The following ATP1A1 variants were observed in gnomAD, a reference collection of about 807,000 sequenced individuals.
ATP1A1 encodes ATPase Na+/K+ transporting subunit alpha 1.
A neutral mutation model predicts 114.8 loss-of-function variants in ATP1A1; 14 were observed. The observed-to-expected ratio is 0.12, with a 90% CI of 0.08 to 0.19. The LOEUF (loss-of-function observed/expected upper bound fraction) is 0.19, where lower values mean the gene tolerates loss of function less well. Among genes scored for constraint, ATP1A1 ranks in the 10% least tolerant of loss-of-function variants. ATP1A1 has a pLI of 1.00. For missense variants in ATP1A1, 524 were observed against 1,290.7 expected (o/e 0.41, Z 9.10); for synonymous variants, 471 against 466.3 (o/e 1.01, Z -0.13).
Position 116,398,896 on chromosome 1 carries a change from A to G in ATP1A1, c.2294-34A>G. The G allele has an allele frequency of 1.9e-6, 3 of 1,613,590 alleles. No individual in the cohort carries two copies. The highest frequency in any genetic ancestry group is 3.3e-4 in the Middle Eastern group (2 of 6,062). On this transcript the variant is annotated intron_variant, in intron 16 of 22. Coordinates refer to ENST00000295598, the MANE Select transcript of ATP1A1 (RefSeq NM_000701.8). This position sits in a 1 kb window ranked among gnomAD's most constrained non-coding sequence, Gnocchi z 6.1. ...GTTCAGTTTCCAGTGTGCTTGTCTC[A>G]TAAGCTAACAGTAAAAAATCTTGGT...
chr1:116,397,744 C>G lies in ATP1A1; in HGVS notation c.1974-144C>G. 1 of 1,027,808 alleles carries G rather than the reference C, an allele frequency of 9.7e-7. No homozygotes were observed. Among genetic ancestry groups the G allele is most frequent in the Non-Finnish European group, 1.4e-6 (1 of 715,972 alleles). The allele number at this position is 1,027,808 out of a possible 1,614,324, so 63.7% of individuals were successfully genotyped here. ...TCTGTAACCTGTAAAGTACTGAACACTTAATAGCTTTTATGTGCTGGGGAA... is the reference window on the plus strand; with the variant it reads ...TCTGTAACCTGTAAAGTACTGAACAGTTAATAGCTTTTATGTGCTGGGGAA... On this transcript the variant is annotated intron_variant, in intron 14 of 22. Transcript: ENST00000295598. This position sits in a 1 kb window ranked among gnomAD's most constrained non-coding sequence, Gnocchi z 4.2.
Position 116,384,365 on chromosome 1 carries a change from T to A in ATP1A1, c.123+241T>A, listed in dbSNP as rs1651940610. ...CAGAGATAACAGAAGGAACTTAGGT[T>A]GATACCATGAGTCTTTGCTTTTCTC... On this transcript the variant is annotated intron_variant, in intron 2 of 22. Transcript: ENST00000295598. This position sits in a 1 kb window ranked among gnomAD's most constrained non-coding sequence, Gnocchi z 5.1. 6.6e-6 allele frequency among the ~76,000 whole-genome samples: 1 copy of A among 152,196 alleles called. No individual in the cohort carries two copies. The highest frequency in any genetic ancestry group is 1.5e-5 in the Non-Finnish European group (1 of 68,022).
At position 116,400,846 on chromosome 1, in the gene ATP1A1, GT is replaced by G; in HGVS notation, c.2573-11del. The G allele has an allele frequency of 6.2e-7, 1 of 1,613,944 alleles. No homozygotes were observed. The highest frequency in any genetic ancestry group is 2.2e-5 in the East Asian group (1 of 44,882). On this transcript the variant is annotated splice_polypyrimidine_tract_variant and intron_variant, in intron 18 of 22. Coordinates refer to ENST00000295598, the MANE Select transcript of ATP1A1 (RefSeq NM_000701.8). ...TGTGTGAGGTTCTAGTAATTGGGTTGTTTTCCCAACTTAGGAATGATCCAGG... is the reference window on the plus strand; with the variant it reads ...TGTGTGAGGTTCTAGTAATTGGGTTGTTTCCCAACTTAGGAATGATCCAGG...
rs1470506057 is a variant in ATP1A1 at position 116,384,186 on chromosome 1, C to T, written c.123+62C>T. On this transcript the variant is annotated intron_variant, in intron 2 of 22. Coordinates refer to ENST00000295598, the MANE Select transcript of ATP1A1 (RefSeq NM_000701.8). The surrounding 1 kb of genome is among the most constrained non-coding windows in gnomAD (Gnocchi z 5.1). ...TAAAAATCCATGATTTTTAATCCCC[C>T]AGGCCTCACTGTATTCTTCAAAGAA... The T allele has an allele frequency of 5.9e-6, 8 of 1,363,654 alleles. No individual in the cohort carries two copies. Among genetic ancestry groups the T allele is most frequent in the South Asian group, 1.2e-5 (1 of 81,704 alleles). The allele number at this position is 1,363,654 out of a possible 1,614,324, so 84.5% of individuals were successfully genotyped here.
At chr1:116,386,345 G>T (rs756786515) in intron 3 of ATP1A1, among the ~76,000 whole-genome samples, 9 of 151,850 alleles carry the variant, frequency 5.9e-5, no homozygotes, top group South Asian at 2.1e-4. Context: ...TGCTCTCTCC[G>T]ACCTATGCCC....
chr1:116,379,152 G>A (rs559104705), intron 1 of ATP1A1, among the ~76,000 whole-genome samples: 1 of 152,302 alleles, frequency 6.6e-6, no homozygotes, highest in South Asian at 2.1e-4. Flanking sequence ...TGGGGAGGAA[G>A]GTTAAGTCAT....
Position 116,404,268 on chromosome 1 carries a change from A to G in ATP1A1, c.3044-148A>G, listed in dbSNP as rs560588240. ...ACTTGGTATTCCTAAAAACATGTAA[A>G]TAAGTACAGTTGAGGTCCCATGTTT... is the stretch of plus-strand genomic sequence containing the variant. On this transcript the variant is annotated intron_variant, in intron 22 of 22. Coordinates refer to ENST00000295598, the MANE Select transcript of ATP1A1 (RefSeq NM_000701.8). This position sits in a 1 kb window ranked among gnomAD's most constrained non-coding sequence, Gnocchi z 4.8. 37 of 983,280 alleles carry G rather than the reference A, an allele frequency of 3.8e-5. 1 individual carries two copies. The South Asian group carries it at 4.1e-4, about 11-fold the overall frequency. The allele number at this position is 983,280 out of a possible 1,614,324, so 60.9% of individuals were successfully genotyped here.
At chr1:116,374,143 T>A (rs1651193282) in intron 1 of ATP1A1, 1 of 1,547,140 alleles carries the variant, frequency 6.5e-7, no homozygotes, top group African/African-American at 1.4e-5. Context: ...GCGGCCGCCC[T>A]CCCCCAAAGA....
Position 116,378,527 on chromosome 1 carries a change from G to C in ATP1A1, c.12+5004G>C, listed in dbSNP as rs960788692. Among the ~76,000 whole-genome samples, 3 of 110,780 alleles carry C rather than the reference G, an allele frequency of 2.7e-5. No individual in the cohort carries two copies. The Admixed American group carries it at 2.8e-4, about 10-fold the overall frequency. 72.7% of individuals were successfully genotyped at this position (110,780 alleles called of 152,430 possible). A position where few individuals can be genotyped will look rare whatever the true frequency, so the allele number is the denominator to read the frequency against. ...TCAGTGGGCCTTGCTGTGTAGATCG[G>C]TGAGCTGTGATTGCTCTTTCTAGTC... On this transcript the variant is annotated intron_variant, in intron 1 of 22. Coordinates refer to ENST00000295598, the MANE Select transcript of ATP1A1 (RefSeq NM_000701.8).
chr1:116,375,547 C>CAAACACAAGATT (rs1161132566), intron 1 of ATP1A1, among the ~76,000 whole-genome samples: 1 of 152,188 alleles, frequency 6.6e-6, no homozygotes, highest in Non-Finnish European at 1.5e-5. Context: ...TAGTGGCTAG[C>CAAACACAAGATT]AAACACAAGA....
chr1:116,374,287 A>T, intron 1 of ATP1A1: 1 of 1,551,636 alleles, frequency 6.4e-7, no homozygotes, highest in Non-Finnish European at 8.7e-7. Context: ...TAAACACAGG[A>T]TGCACCGATG....
chr1:116,373,511 C>T lies in ATP1A1; in HGVS notation c.-1C>T, dbSNP rs1258057798. 6.7e-7 allele frequency: 1 copy of T among 1,498,500 alleles called. No homozygotes were observed. The highest frequency in any genetic ancestry group is 8.9e-7 in the Non-Finnish European group (1 of 1,124,864). The allele number at this position is 1,498,500 out of a possible 1,614,324, so 92.8% of individuals were successfully genotyped here. A position where few individuals can be genotyped will look rare whatever the true frequency, so the allele number is the denominator to read the frequency against. ...GGCGCCGGGCACTGAGCACCGCCAC[C>T]ATGGGGAAGGGGGTGAGTGTCCGGC... On this transcript the variant is annotated 5_prime_UTR_variant, in exon 1 of 23. Coordinates refer to ENST00000295598, the MANE Select transcript of ATP1A1 (RefSeq NM_000701.8).
Position 116,395,192 on chromosome 1 carries a change from T to A in ATP1A1, c.1743T>A (p.Asp581Glu). The part of the protein sequence containing the change: ...FDTDDVNFPI[D>E]NLCFVGLISM... ...CTGACGATGTGAATTTCCCTATCGA[T>A]AATCTGTGCTTTGTTGGGCTCATCT... Residue 581 changes from aspartate to glutamate, a missense_variant, in exon 13 of 23, where the codon GAT (aspartate) becomes GAA (glutamate). Coordinates refer to ENST00000295598, the MANE Select transcript of ATP1A1 (RefSeq NM_000701.8). This position sits in a 1 kb window ranked among gnomAD's most constrained non-coding sequence, Gnocchi z 6.4. 1 of 1,614,214 alleles carries A rather than the reference T, an allele frequency of 6.2e-7. No homozygotes were observed. The highest frequency in any genetic ancestry group is 8.5e-7 in the Non-Finnish European group (1 of 1,180,032).
At position 116,399,157 on chromosome 1, in the gene ATP1A1, C is replaced by T; in HGVS notation, c.2448+73C>T. 1 of 1,595,518 alleles carries T rather than the reference C, an allele frequency of 6.3e-7. No individual in the cohort carries two copies. The highest frequency in any genetic ancestry group is 8.6e-7 in the Non-Finnish European group (1 of 1,165,818). ...TGTCTTCATTCACTGGCACTATGCTCCCAGCATCCATGAGGCTGGCGTTGG... is the reference window on the plus strand; with the variant it reads ...TGTCTTCATTCACTGGCACTATGCTTCCAGCATCCATGAGGCTGGCGTTGG... On this transcript the variant is annotated intron_variant, in intron 17 of 22. Coordinates refer to ENST00000295598, the MANE Select transcript of ATP1A1 (RefSeq NM_000701.8). The surrounding 1 kb of genome is among the most constrained non-coding windows in gnomAD (Gnocchi z 5.0).
rs770869370 is a variant in ATP1A1, at chr1:116,401,090, G to T, written c.2719-40G>T. On this transcript the variant is annotated intron_variant, in intron 19 of 22. Coordinates refer to ENST00000295598, the MANE Select transcript of ATP1A1 (RefSeq NM_000701.8). The surrounding 1 kb of genome is among the most constrained non-coding windows in gnomAD (Gnocchi z 4.7). The stretch of plus-strand genomic sequence containing the variant: ...GGCCACACTGCCACCAGCCATGCAG[G>T]TGAAGAGCCAGAGCTCATCTTCTGT... 11 of 1,613,002 alleles carry T rather than the reference G, an allele frequency of 6.8e-6. No homozygotes were observed. In the South Asian group the frequency reaches 1.2e-4, roughly 18 times the overall value.
At chr1:116,394,773 A>G (rs979403175) in intron 12 of ATP1A1, among the ~76,000 whole-genome samples, 5 of 152,154 alleles carry the variant, frequency 3.3e-5, no homozygotes, top group African/African-American at 1.2e-4. Flanking sequence ...GCCAAATCCA[A>G]ATAACTTAAT....
chr1:116,374,033 G>A, intron 1 of ATP1A1: 1 of 1,405,894 alleles, frequency 7.1e-7, no homozygotes. Context: ...CTCCTCCCGG[G>A]CCTCCGTTCC....
At position 116,373,366 on chromosome 1, in the gene ATP1A1, G is replaced by GCCCGGCCCCCC; in HGVS notation, c.-143_-142insGGCCCCCCCCC. On this transcript the variant is annotated 5_prime_UTR_variant, in exon 1 of 23. Transcript: ENST00000295598. ...GCGGCATCGGCCCGAGCCGCCGGCCGCCCTCCCACCCTCCCGCCCCGCGGC... is the reference window on the plus strand; with the variant it reads ...GCGGCATCGGCCCGAGCCGCCGGCCGCCCGGCCCCCCCCCTCCCACCCTCCCGCCCCGCGGC... The GCCCGGCCCCCC allele has an allele frequency of 2.0e-6, 1 of 491,886 alleles. No homozygotes were observed. Among genetic ancestry groups the GCCCGGCCCCCC allele is most frequent in the Non-Finnish European group, 3.2e-6 (1 of 310,224 alleles). The allele number at this position is 491,886 out of a possible 1,614,324, so 30.5% of individuals were successfully genotyped here.
rs967259068 is a variant in ATP1A1 at position 116,387,204 on chromosome 1, T to C, written c.184-84T>C. The C allele has an allele frequency of 1.5e-5, 22 of 1,491,902 alleles. No homozygotes were observed. Among genetic ancestry groups the C allele is most frequent in the Non-Finnish European group, 1.9e-5 (21 of 1,086,838 alleles). The allele number at this position is 1,491,902 out of a possible 1,614,324, so 92.4% of individuals were successfully genotyped here. ...ATTTTGTTTCTTCCTTAAATCCTTA[T>C]TGCAACCGTCCAGCTACCAGGTAGG... On this transcript the variant is annotated intron_variant, in intron 3 of 22. Coordinates refer to ENST00000295598, the MANE Select transcript of ATP1A1 (RefSeq NM_000701.8). The surrounding 1 kb of genome is among the most constrained non-coding windows in gnomAD (Gnocchi z 6.7).
Sources: gnomAD v4.1 joint callset for allele counts (sites outside exome capture counted in the v4.1 genomes callset) on GRCh38, gnomAD v4.1.1 for gene constraint, Gnocchi (gnomAD v3.1) non-coding constraint, MANE v1.5 for transcripts, NCBI Gene and HGNC (gene_info 2026-07-23, HGNC 2026-07-21) for gene names.